Variants in EPHA7 observed in about 807,000 individuals in gnomAD.
EPHA7 encodes the protein EPH receptor A7.
EPHA7 carries 25 observed loss-of-function variants against 112.6 expected under a neutral mutation model. The observed-to-expected ratio is 0.22, with a 90% confidence interval of 0.16 to 0.31. EPHA7 has a LOEUF of 0.31. Ranked by LOEUF, EPHA7 falls within the 10% of genes least tolerant of loss-of-function variation. The pLI is 1.00. For missense variants in EPHA7, 962 were observed against 1,212.6 expected, an observed-to-expected ratio of 0.79 and a Z score of 3.07; for synonymous variants, 437 against 406.5, an observed-to-expected ratio of 1.07 and a Z score of -0.90.
chr6:93,407,402 G>A (rs187974437), intron 3 of EPHA7, among the ~76,000 whole-genome samples: 3 of 152,148 alleles, frequency 2.0e-5, no homozygotes, highest in African/African-American at 4.8e-5. Flanking sequence ...CAAGCCTGGA[G>A]TGATTCCAGA....
At chr6:93,290,058 CT>C (rs1772280385) in intron 5 of EPHA7, among the ~76,000 whole-genome samples, 3 of 151,994 alleles carry the variant, frequency 2.0e-5, no homozygotes, top group Non-Finnish European at 4.4e-5. Flanking sequence ...TAATAAAATG[CT>C]TATAGTTCTT....
chr6:93,411,843 T>C (rs555602887), intron 2 of EPHA7, among the ~76,000 whole-genome samples: 1 of 152,106 alleles, frequency 6.6e-6, no homozygotes, highest in East Asian at 1.9e-4. Flanking sequence ...TTGCTTTCAA[T>C]AGACAATCAA....
chr6:93,383,276 G>GTA (rs893943952), intron 3 of EPHA7, among the ~76,000 whole-genome samples: 8 of 150,708 alleles, frequency 5.3e-5, no homozygotes, highest in African/African-American at 2.0e-4. Context: ...GTGTGTGTGT[G>GTA]TGTGTGTGTG....
intron 3 of EPHA7, among the ~76,000 whole-genome samples, chr6:93,405,809 G>GTATATA (rs1778679029): frequency 1.6e-5 from 1 of 61,622 alleles, no homozygotes; most frequent in African/African-American, 8.7e-5. Flanking sequence ...GTGTGTGTGT[G>GTATATA]TGTGTATATA....
At chr6:93,275,656 T>C (rs551589353) in intron 5 of EPHA7, among the ~76,000 whole-genome samples, 1 of 151,958 alleles carries the variant, frequency 6.6e-6, no homozygotes, top group Middle Eastern at 3.4e-3. Flanking sequence ...AAGTGGTAAA[T>C]CTCAACAGCA....
At chr6:93,333,166 T>C (rs1171424387) in intron 5 of EPHA7, among the ~76,000 whole-genome samples, 1 of 151,774 alleles carries the variant, frequency 6.6e-6, no homozygotes, top group Non-Finnish European at 1.5e-5. Flanking sequence ...TTAATTTGTT[T>C]AGGATTATGG....
chr6:93,416,858 C>G (rs568714093), intron 1 of EPHA7, among the ~76,000 whole-genome samples: 53 of 150,202 alleles, frequency 3.5e-4, no homozygotes, highest in Non-Finnish European at 1.8e-4. Context: ...CAAAGGCTGG[C>G]GTCCCGGGGC....
At chr6:93,360,987 A>T (rs1277044252) in intron 3 of EPHA7, among the ~76,000 whole-genome samples, 1 of 152,082 alleles carries the variant, frequency 6.6e-6, no homozygotes, top group Non-Finnish European at 1.5e-5. Flanking sequence ...TATTATTTTT[A>T]TTATACATTT....
chr6:93,247,041 C>T (rs938075199), intron 14 of EPHA7, 56 bp from the exon 15 acceptor site: 1 of 1,424,204 alleles, frequency 7.0e-7, no homozygotes, highest in Non-Finnish European at 9.5e-7. Context: ...TTATAATAAA[C>T]CAAATTTCCT....
At position 93,243,482 on chromosome 6, in the gene EPHA7, T is replaced by C. The variant is rs1244079200; in HGVS notation, c.2941A>G (p.Ile981Val). 2.5e-6 allele frequency: 4 copies of C among 1,613,678 alleles called. No homozygotes were observed. Among genetic ancestry groups the C allele is most frequent in the Non-Finnish European group, 2.5e-6 (3 of 1,179,658 alleles). ...AGCATTTGTGCTCTCATAGTCTGAATGCTGCTCATGATTTTCTTTTGATGA... is the reference window on the plus strand; with the variant it reads ...AGCATTTGTGCTCTCATAGTCTGAACGCTGCTCATGATTTTCTTTTGATGA... ...VGHQKKIMSS[I>V]QTMRAQMLHL... The change falls in exon 17 of 17, where the codon ATT (isoleucine) becomes GTT (valine). Residue 981 changes from isoleucine (I) to valine (V), a missense_variant. Around this residue, in one of 3 missense-constraint regions of EPHA7, gnomAD observed 746 missense variants for 889.2 expected, o/e 0.84. Transcript: ENST00000369303.
At chr6:93,404,393 T>C (rs1304630351) in intron 3 of EPHA7, among the ~76,000 whole-genome samples, 1 of 151,882 alleles carries the variant, frequency 6.6e-6, no homozygotes, top group African/African-American at 2.4e-5. Flanking sequence ...TTGCAATAGA[T>C]AAAATGTTCC....
chr6:93,296,695 G>C (rs534412052), intron 5 of EPHA7, among the ~76,000 whole-genome samples: 6 of 151,762 alleles, frequency 4.0e-5, no homozygotes, highest in African/African-American at 1.4e-4. Flanking sequence ...GGATAAGAAG[G>C]GGGTGAGGAG....
chr6:93,322,376 G>A (rs751016550), intron 5 of EPHA7, among the ~76,000 whole-genome samples: 37 of 151,598 alleles, frequency 2.4e-4, no homozygotes, highest in African/African-American at 8.9e-4. Context: ...ATTTTGTATC[G>A]CTTAAAATCT....
At chr6:93,248,693 A>AAACAAACAAAC (rs1770069325) in intron 14 of EPHA7, among the ~76,000 whole-genome samples, 3 of 148,412 alleles carry the variant, frequency 2.0e-5, no homozygotes, top group South Asian at 2.1e-4. Flanking sequence ...ACAAACAAAC[A>AAACAAACAAAC]AACAACAACA....
At position 93,419,557 on chromosome 6, in the gene EPHA7, A is replaced by G. The variant is rs1249846824; in HGVS notation, c.-216T>C. 2 of 389,804 alleles carry G rather than the reference A, an allele frequency of 5.1e-6. No homozygotes were observed. The highest frequency in any genetic ancestry group is 9.1e-5 in the Admixed American group (2 of 22,080). The allele number at this position is 389,804 out of a possible 1,614,324, so 24.1% of individuals were successfully genotyped here. A position where few individuals can be genotyped will look rare whatever the true frequency, so the allele number is the denominator to read the frequency against. ...GCTGCCTGCAAGTCTCCGACTGCAGACCGGCCGCTTGCTCCACACTCCAAT... is the reference window on the plus strand; with the variant it reads ...GCTGCCTGCAAGTCTCCGACTGCAGGCCGGCCGCTTGCTCCACACTCCAAT... On this transcript the variant is annotated 5_prime_UTR_variant, in exon 1 of 17. Transcript: ENST00000369303.
chr6:93,312,179 A>G (rs1773575443), intron 5 of EPHA7, among the ~76,000 whole-genome samples: 1 of 152,192 alleles, frequency 6.6e-6, no homozygotes, highest in South Asian at 2.1e-4. Flanking sequence ...AAAGAGAGTC[A>G]GCCTCTCCTC....
Position 93,240,745 on chromosome 6 carries a change from T to C in EPHA7, c.*2681A>G, listed in dbSNP as rs1242235066. The stretch of plus-strand genomic sequence containing the variant: ...TTTTCCTCCCCTGAGCACTAATTTA[T>C]TTAAAAAAAAAGATTTCAAGGTGCA... On this transcript the variant is annotated 3_prime_UTR_variant, in exon 17 of 17. Transcript: ENST00000369303. 4.7e-6 allele frequency: 1 copy of C among 211,690 alleles called. No homozygotes were observed. The highest frequency in any genetic ancestry group is 9.5e-6 in the Non-Finnish European group (1 of 105,582). 13.1% of individuals were successfully genotyped at this position (211,690 alleles called of 1,614,324 possible).
chr6:93,331,551 A>C (rs762276593), intron 5 of EPHA7, among the ~76,000 whole-genome samples: 4 of 151,494 alleles, frequency 2.6e-5, no homozygotes, highest in African/African-American at 4.8e-5. Context: ...TCTAGAATGC[A>C]TACTAAATTT....
chr6:93,246,866 T>C lies in EPHA7; in HGVS notation c.2652A>G (p.Glu884=), dbSNP rs781260960. The C allele has an allele frequency of 1.9e-6, 3 of 1,614,010 alleles. No homozygotes were observed. The highest frequency in any genetic ancestry group is 1.7e-5 in the Admixed American group (1 of 60,016). The change falls in exon 15 of 17, where the codon GAA becomes GAG. Residue 884 remains glutamate (E), a synonymous_variant. Transcript: ENST00000369303. ...QKERAERPKF[E]QIVGILDKMI... ...TTTTGTCTAGAATTCCAACTATCTG[T>C]TCAAATTTTGGCCTTTCAGCACGCT...
Sources: gnomAD v4.1 joint callset for allele counts (sites outside exome capture counted in the v4.1 genomes callset) on GRCh38, gnomAD v4.1.1 for gene constraint, gnomAD v4.1.1 regional missense constraint, MANE v1.5 for transcripts, NCBI Gene and HGNC (gene_info 2026-07-23, HGNC 2026-07-21) for gene names.